Variants in FMN2 observed in about 807,000 individuals in gnomAD.
The protein encoded by FMN2 is formin-2.
FMN2 carries 51 observed loss-of-function variants against 142.3 expected under a neutral mutation model. The observed-to-expected ratio is 0.36, with a 90% CI of 0.29 to 0.45. The LOEUF (loss-of-function observed/expected upper bound fraction) is 0.45, where lower values mean the gene tolerates loss of function less well. FMN2 is among the 20% of genes least tolerant of loss of function. The probability of loss-of-function intolerance (pLI) is 1.00; values close to 1 mark genes in which losing one functional copy is unlikely to be tolerated. For missense variants in FMN2, 1,936 were observed against 2,122.8 expected (o/e 0.91, Z 1.73); for synonymous variants, 882 against 869.8 (o/e 1.01, Z -0.25).
intron 7 of FMN2, among the ~76,000 whole-genome samples, chr1:240,277,896 T>C (rs1309626693): frequency 6.6e-6 from 1 of 152,144 alleles, no homozygotes. Context: ...AATATTTAGA[T>C]GTCTGGTAAA....
Position 240,384,449 on chromosome 1 carries a change from A to G in FMN2, c.4859-8062A>G, listed in dbSNP as rs922576246. 8.5e-5 allele frequency among the ~76,000 whole-genome samples: 13 copies of G among 152,068 alleles called. No individual in the cohort carries two copies. The South Asian group carries it at 1.7e-3, about 19-fold the overall frequency. ...ATTTTTGCCAGCTCTTTTCCATTGT[A>G]TTTCCAGTTTTGTCTCCTTTATCTT... On this transcript the variant is annotated intron_variant, in intron 14 of 17. Coordinates refer to ENST00000319653, the MANE Select transcript of FMN2 (RefSeq NM_020066.5).
chr1:240,318,110 G>C (rs1248428861), intron 8 of FMN2, among the ~76,000 whole-genome samples: 1 of 152,172 alleles, frequency 6.6e-6, no homozygotes, highest in Non-Finnish European at 1.5e-5. Context: ...CGCCACCTCA[G>C]ATCACCTCTT....
chr1:240,388,793 C>T (rs971341607), intron 14 of FMN2, among the ~76,000 whole-genome samples: 27 of 138,888 alleles, frequency 1.9e-4, no homozygotes, highest in African/African-American at 6.6e-4. Context: ...ACCTGGGAGG[C>T]GGAGGTTGCA....
intron 7 of FMN2, among the ~76,000 whole-genome samples, chr1:240,283,754 T>C (rs1206174256): frequency 1.3e-5 from 2 of 151,950 alleles, no homozygotes; most frequent in Admixed American, 1.3e-4. Context: ...GTAGGGAAAG[T>C]CATGAGCCTT....
At chr1:240,239,388 G>C (rs904880937) in intron 6 of FMN2, among the ~76,000 whole-genome samples, 1 of 152,174 alleles carries the variant, frequency 6.6e-6, no homozygotes, top group Admixed American at 6.5e-5. Context: ...AGACTATTTG[G>C]TCTGTAAAGG....
intron 3 of FMN2, among the ~76,000 whole-genome samples, chr1:240,185,668 CTA>C (rs1665415873): frequency 6.6e-6 from 1 of 152,188 alleles, no homozygotes; most frequent in Non-Finnish European, 1.5e-5. Flanking sequence ...GGGTCAAGGA[CTA>C]TAGAACAAAG....
intron 7 of FMN2, among the ~76,000 whole-genome samples, chr1:240,268,269 G>T (rs768473889): frequency 4.6e-5 from 7 of 151,988 alleles, no homozygotes; most frequent in African/African-American, 1.7e-4. Context: ...TTATTTTTCC[G>T]TCAGTTTTCA....
intron 2 of FMN2, among the ~76,000 whole-genome samples, chr1:240,126,480 G>T (rs1662515805): frequency 6.6e-6 from 1 of 150,836 alleles, no homozygotes; most frequent in Non-Finnish European, 1.5e-5. Context: ...CTTCAGTTTG[G>T]GGCTCTTCAC....
intron 4 of FMN2, among the ~76,000 whole-genome samples, chr1:240,188,621 G>T (rs932876131): frequency 2.0e-5 from 3 of 152,186 alleles, no homozygotes; most frequent in Non-Finnish European, 4.4e-5. Context: ...TCTTTAAAAA[G>T]AAATCTGTCA....
intron 7 of FMN2, among the ~76,000 whole-genome samples, chr1:240,294,329 T>G (rs886101772): frequency 1.3e-5 from 2 of 152,216 alleles, no homozygotes; most frequent in African/African-American, 4.8e-5. Flanking sequence ...AAAAGATTCA[T>G]CCTTTGATTA....
chr1:240,411,868 G>A (rs10926248), intron 15 of FMN2, among the ~76,000 whole-genome samples: 82,793 of 151,938 alleles, frequency 0.54, 24,375 homozygotes, highest in Middle Eastern at 0.67. Flanking sequence ...TTTGAGATGG[G>A]TAATAAGCCA....
chr1:240,468,854 G>C (rs535856729), intron 16 of FMN2, among the ~76,000 whole-genome samples: 1 of 152,250 alleles, frequency 6.6e-6, no homozygotes, highest in South Asian at 2.1e-4. Context: ...GCTGGCTCAG[G>C]CTGTCTTCGT....
At chr1:240,320,238 G>C (rs1209373817) in intron 8 of FMN2, among the ~76,000 whole-genome samples, 1 of 152,146 alleles carries the variant, frequency 6.6e-6, no homozygotes, top group African/African-American at 2.4e-5. Flanking sequence ...TCTTGGAAGG[G>C]ACTTTCCCTA....
intron 7 of FMN2, among the ~76,000 whole-genome samples, chr1:240,286,614 AT>A (rs1558412635): frequency 6.6e-6 from 1 of 152,152 alleles, no homozygotes; most frequent in East Asian, 1.9e-4. Flanking sequence ...TCCAGTCCTT[AT>A]GGGTTTACTT....
chr1:240,248,209 C>T (rs909766860), intron 6 of FMN2, among the ~76,000 whole-genome samples: 1 of 151,924 alleles, frequency 6.6e-6, no homozygotes, highest in East Asian at 1.9e-4. Context: ...ACTTGTCTTT[C>T]TTTACCTGGC....
At chr1:240,391,240 C>T (rs1673592793) in intron 14 of FMN2, among the ~76,000 whole-genome samples, 1 of 152,094 alleles carries the variant, frequency 6.6e-6, no homozygotes, top group African/African-American at 2.4e-5. Flanking sequence ...CCTGTGAAAT[C>T]CTGAAAATCC....
intron 15 of FMN2, among the ~76,000 whole-genome samples, chr1:240,430,017 C>T (rs753253656): frequency 4.0e-5 from 6 of 151,896 alleles, no homozygotes; most frequent in Admixed American, 1.3e-4. Flanking sequence ...TCCCAAGTAG[C>T]TGGGACTACA....
chr1:240,185,524 AG>A (rs1665406534), intron 3 of FMN2, among the ~76,000 whole-genome samples: 1 of 152,194 alleles, frequency 6.6e-6, no homozygotes, highest in African/African-American at 2.4e-5. Context: ...AGGAGCTGAA[AG>A]TTTGGGTGTA....
At chr1:240,142,511 G>T (rs1406283663) in intron 2 of FMN2, among the ~76,000 whole-genome samples, 2 of 36,496 alleles carry the variant, frequency 5.5e-5, no homozygotes, top group African/African-American at 1.3e-4. Context: ...TTTTTGGGGG[G>T]GGATAAAGGT....
Sources: allele counts gnomAD v4.1 joint callset (sites outside exome capture counted in the v4.1 genomes callset), GRCh38; gene constraint gnomAD v4.1.1; transcripts MANE v1.5; gene names NCBI Gene and HGNC (gene_info 2026-07-23, HGNC 2026-07-21).